Variants in PATJ observed in about 807,000 individuals in gnomAD.
The protein encoded by PATJ is inaD-like protein.
A neutral mutation model predicts 224.9 loss-of-function variants in PATJ; 190 were observed. The observed-to-expected ratio is 0.84, with a 90% CI of 0.75 to 0.95. PATJ has a LOEUF of 0.95. PATJ is among the 40% of genes least tolerant of loss of function. The pLI, the probability that PATJ is intolerant of heterozygous loss-of-function variation, is 0.00. For synonymous variants in PATJ, 769 were observed against 820.3 expected (o/e 0.94, Z 1.07); for missense variants, 2,121 against 2,270.3 (o/e 0.93, Z 1.34).
At chr1:62,028,637 G>T (rs1648523851) in intron 29 of PATJ, among the ~76,000 whole-genome samples, 1 of 152,014 alleles carries the variant, frequency 6.6e-6, no homozygotes, top group Non-Finnish European at 1.5e-5. Flanking sequence ...AAGAAAATTA[G>T]CCCAGTGTGG....
rs779042729 is a variant in PATJ, at chr1:61,927,795, T to C, written c.3636T>C (p.Ser1212=). The change falls in exon 27 of 44, where the codon AGT becomes AGC. Residue 1212 remains serine, a synonymous_variant. Transcript: ENST00000642238. ...PPPYKALTDD[S]DENEEEDAFT... ...CTTATAAAGCTCTGACTGATGACAGTGATGAAAATGAAGAAGAAGATGCCT... is the reference window on the plus strand; with the variant it reads ...CTTATAAAGCTCTGACTGATGACAGCGATGAAAATGAAGAAGAAGATGCCT... The C allele has an allele frequency of 1.2e-6, 2 of 1,613,450 alleles. No individual in the cohort carries two copies. The highest frequency in any genetic ancestry group is 2.2e-5 in the East Asian group (1 of 44,840).
At chr1:62,011,687 T>G (rs946271623) in intron 28 of PATJ, among the ~76,000 whole-genome samples, 1 of 149,800 alleles carries the variant, frequency 6.7e-6, no homozygotes, top group South Asian at 2.1e-4. Flanking sequence ...GTAGACTTGC[T>G]CAATGCAGGG....
intron 33 of PATJ, chr1:62,100,207 T>A (rs1387704609): frequency 1.8e-6 from 1 of 553,640 alleles, no homozygotes; most frequent in Non-Finnish European, 3.3e-6. Context: ...TGGTTGTGTG[T>A]CACTATTATT....
Position 61,856,036 on chromosome 1 carries a change from T to G in PATJ, c.2119T>G (p.Leu707Val). The change falls in exon 18 of 44, where the codon TTA becomes GTA. Residue 707 changes from leucine (L) to valine (V), a missense_variant. Leu to Val is a conservative substitution (Grantham distance 32). Transcript: ENST00000642238. ...GFSILDYQDP[L>V]DPTRSVIVIR... The stretch of plus-strand genomic sequence containing the variant: ...TTCTTTGCTCGATTCACAGGACCCT[T>G]TAGATCCTACAAGATCAGTGATTGT... The G allele has an allele frequency of 6.2e-7, 1 of 1,613,450 alleles. No individual in the cohort carries two copies. The highest frequency in any genetic ancestry group is 8.5e-7 in the Non-Finnish European group (1 of 1,179,392).
chr1:62,073,402 T>C, intron 31 of PATJ: 1 of 807,536 alleles, frequency 1.2e-6, no homozygotes, highest in East Asian at 1.3e-4. Context: ...GCAGGCAGAT[T>C]GCTTGAGGTC....
Position 61,833,668 on chromosome 1 carries a change from G to C in PATJ, c.1995G>C (p.Met665Ile). The change falls in exon 17 of 44, where the codon ATG becomes ATC. Residue 665 changes from methionine (M) to isoleucine (I), a missense_variant. Met to Ile is a conservative substitution (Grantham distance 10). Coordinates refer to ENST00000642238, the MANE Select transcript of PATJ (RefSeq NM_001350145.3). ...TGGTATTTCAGGTTGACCACAATATGGATGTCAATACTGAAGAAGATGATG... is the reference window on the plus strand; with the variant it reads ...TGGTATTTCAGGTTGACCACAATATCGATGTCAATACTGAAGAAGATGATG... ...SLPETEVDHN[M>I]DVNTEEDDDG... 1 of 1,611,824 alleles carries C rather than the reference G, an allele frequency of 6.2e-7. No homozygotes were observed. The highest frequency in any genetic ancestry group is 8.5e-7 in the Non-Finnish European group (1 of 1,179,000).
intron 14 of PATJ, among the ~76,000 whole-genome samples, chr1:61,816,998 G>T (rs1656237930): frequency 6.6e-6 from 1 of 152,188 alleles, no homozygotes; most frequent in Non-Finnish European, 1.5e-5. Context: ...TTATTATTCA[G>T]ATACTGCTAA....
chr1:62,014,689 C>T (rs993110326), intron 28 of PATJ, among the ~76,000 whole-genome samples: 2 of 151,492 alleles, frequency 1.3e-5, no homozygotes, highest in African/African-American at 2.4e-5. Flanking sequence ...ACCTCAGCCT[C>T]CCAAGTAGCT....
intron 22 of PATJ, among the ~76,000 whole-genome samples, chr1:61,895,470 C>T (rs1251146125): frequency 2.0e-5 from 3 of 152,212 alleles, no homozygotes; most frequent in African/African-American, 4.8e-5. Flanking sequence ...GGTGTTCCAG[C>T]TCCAGCTGTG....
At chr1:61,913,609 G>T (rs879180795) in intron 25 of PATJ, among the ~76,000 whole-genome samples, 1 of 152,060 alleles carries the variant, frequency 6.6e-6, no homozygotes, top group Admixed American at 6.6e-5. Context: ...AAACTGGTTC[G>T]TTCATTTATA....
chr1:62,101,447 G>C (rs1290284208), intron 33 of PATJ, among the ~76,000 whole-genome samples: 2 of 151,846 alleles, frequency 1.3e-5, no homozygotes, highest in Non-Finnish European at 2.9e-5. Flanking sequence ...GTTTTTAGTT[G>C]AGATGGGATT....
intron 29 of PATJ, among the ~76,000 whole-genome samples, chr1:62,032,418 A>T (rs1649504720): frequency 6.6e-6 from 1 of 152,218 alleles, no homozygotes; most frequent in South Asian, 2.1e-4. Flanking sequence ...CCAGATTTGA[A>T]GGGCTTGTAT....
At chr1:62,107,067 G>T (rs1412290568) in intron 33 of PATJ, among the ~76,000 whole-genome samples, 2 of 151,874 alleles carry the variant, frequency 1.3e-5, no homozygotes, top group Non-Finnish European at 2.9e-5. Context: ...CAGCACTCTG[G>T]GAGGTGAGGC....
In PATJ at chr1:61,990,375, T is replaced by C; in HGVS notation, c.3867+11T>C. On this transcript the variant is annotated intron_variant, in intron 28 of 43. Coordinates refer to ENST00000642238, the MANE Select transcript of PATJ (RefSeq NM_001350145.3). Reference sequence around the variant, plus strand: ...GATGAACTCTTAGAGGTGAGAAGCATGTGTTTTTAACTTATCTTTTGGTGA... The same window carrying C: ...GATGAACTCTTAGAGGTGAGAAGCACGTGTTTTTAACTTATCTTTTGGTGA... The C allele has an allele frequency of 6.2e-7, 1 of 1,602,378 alleles. No homozygotes were observed. Among genetic ancestry groups the C allele is most frequent in the Non-Finnish European group, 8.5e-7 (1 of 1,173,672 alleles).
chr1:62,151,556 A>C (rs1361866591), intron 42 of PATJ, among the ~76,000 whole-genome samples: 1 of 152,214 alleles, frequency 6.6e-6, no homozygotes, highest in Non-Finnish European at 1.5e-5. Flanking sequence ...GCGCCACTGC[A>C]CTGCAGCCTG....
intron 33 of PATJ, among the ~76,000 whole-genome samples, chr1:62,090,661 C>T (rs1332891918): frequency 3.3e-5 from 5 of 152,058 alleles, no homozygotes; most frequent in Non-Finnish European, 5.9e-5. Flanking sequence ...TCCATCAGTC[C>T]ATCCTTTCTT....
Position 62,161,048 on chromosome 1 carries a change from G to C in PATJ, c.5643G>C (p.Leu1881=), listed in dbSNP as rs1411675934. Residue 1881 remains leucine (L), a synonymous_variant, in exon 44 of 44, where the codon CTG becomes CTC. Coordinates refer to ENST00000642238, the MANE Select transcript of PATJ (RefSeq NM_001350145.3). ...GAGGGACTGTAACCTTAACTGTGCTGTCATGAGCCTCGGGCCTGATCACAA... is the reference window on the plus strand; with the variant it reads ...GAGGGACTGTAACCTTAACTGTGCTCTCATGAGCCTCGGGCCTGATCACAA... ...HQRGTVTLTV[L]S 6.5e-7 allele frequency: 1 copy of C among 1,547,584 alleles called. No homozygotes were observed. Among genetic ancestry groups the C allele is most frequent in the African/African-American group, 1.4e-5 (1 of 73,248 alleles).
chr1:61,896,266 A>G (rs1022835851), intron 22 of PATJ, among the ~76,000 whole-genome samples: 3 of 149,270 alleles, frequency 2.0e-5, no homozygotes, highest in Non-Finnish European at 3.0e-5. Context: ...ACTGCACTCC[A>G]TCCTGGGCGA....
chr1:61,813,569 T>C (rs1655414831), intron 14 of PATJ, among the ~76,000 whole-genome samples: 1 of 151,774 alleles, frequency 6.6e-6, no homozygotes, highest in Non-Finnish European at 1.5e-5. Context: ...CGCTACTGGG[T>C]GCTCGGGTTC....
Sources: gnomAD v4.1 joint callset for allele counts (sites outside exome capture counted in the v4.1 genomes callset) on GRCh38, gnomAD v4.1.1 for gene constraint, MANE v1.5 for transcripts, NCBI Gene and HGNC (gene_info 2026-07-23, HGNC 2026-07-21) for gene names.